NKAIN3: variants seen among roughly 807,000 people sequenced by gnomAD.
NKAIN3 encodes the protein sodium/potassium-transporting ATPase subunit beta-1-interacting protein 3.
NKAIN3 carries 25 observed loss-of-function variants against 30.2 expected under a neutral mutation model. The observed-to-expected ratio is 0.83, with a 90% CI of 0.60 to 1.16. The LOEUF is 1.16. Among genes scored for constraint, NKAIN3 ranks in the 50% most tolerant of loss-of-function variants. The pLI is 0.00. For synonymous variants in NKAIN3, 91 were observed against 89.6 expected (o/e 1.02, Z -0.09); for missense variants, 225 against 254.1 (o/e 0.89, Z 0.78).
intron 1 of NKAIN3, among the ~76,000 whole-genome samples, chr8:62,291,595 T>C (rs188567745): frequency 1.4e-3 from 215 of 152,348 alleles, no homozygotes; most frequent in African/African-American, 4.9e-3. Flanking sequence ...CACTGTGGTC[T>C]GAGAGACAGT....
At chr8:62,485,912 G>A (rs983647531) in intron 1 of NKAIN3, among the ~76,000 whole-genome samples, 4 of 152,184 alleles carry the variant, frequency 2.6e-5, no homozygotes, top group Non-Finnish European at 2.9e-5. Context: ...TTTTGAAACA[G>A]GAATGGGGCG....
intron 1 of NKAIN3, among the ~76,000 whole-genome samples, chr8:62,567,783 G>A (rs1190659819): frequency 1.3e-5 from 2 of 152,036 alleles, no homozygotes; most frequent in East Asian, 3.9e-4. Flanking sequence ...TTAGCCCATT[G>A]AGACCTGTTT....
At chr8:62,899,824 C>T (rs1382114187) in intron 4 of NKAIN3, among the ~76,000 whole-genome samples, 1 of 151,830 alleles carries the variant, frequency 6.6e-6, no homozygotes, top group Non-Finnish European at 1.5e-5. Flanking sequence ...TTATGCATTC[C>T]ATGCCTGTAT....
chr8:62,276,121 A>C (rs1353819319), intron 1 of NKAIN3, among the ~76,000 whole-genome samples: 2 of 152,000 alleles, frequency 1.3e-5, no homozygotes, highest in Non-Finnish European at 2.9e-5. Context: ...GCTGGAGTGC[A>C]GTGGTGCGAT....
intron 4 of NKAIN3, among the ~76,000 whole-genome samples, chr8:62,871,153 C>G (rs1820629831): frequency 6.6e-6 from 1 of 152,076 alleles, no homozygotes; most frequent in Non-Finnish European, 1.5e-5. Flanking sequence ...GTAATCCCAG[C>G]ACTTTGGGAG....
chr8:62,408,492 G>C (rs945080124), intron 1 of NKAIN3, among the ~76,000 whole-genome samples: 5 of 152,100 alleles, frequency 3.3e-5, no homozygotes, highest in African/African-American at 1.2e-4. Flanking sequence ...AGTATGAAAG[G>C]TTAAAAATAA....
At chr8:62,478,877 T>C (rs777779753) in intron 1 of NKAIN3, among the ~76,000 whole-genome samples, 2 of 152,150 alleles carry the variant, frequency 1.3e-5, no homozygotes, top group Non-Finnish European at 1.5e-5. Flanking sequence ...ACTTTCAAGG[T>C]AGTGTGCTGG....
At chr8:62,712,211 G>C (rs1481138686) in intron 3 of NKAIN3, among the ~76,000 whole-genome samples, 1 of 152,136 alleles carries the variant, frequency 6.6e-6, no homozygotes, top group Non-Finnish European at 1.5e-5. Context: ...TTGTGCGGTT[G>C]GCCTCCTGCG....
chr8:62,862,799 G>A (rs1820293108), intron 4 of NKAIN3, among the ~76,000 whole-genome samples: 2 of 152,216 alleles, frequency 1.3e-5, no homozygotes, highest in South Asian at 4.1e-4. Context: ...ATATTCCACA[G>A]AGAAGTTAGA....
At chr8:62,712,470 G>A (rs1247416146) in intron 3 of NKAIN3, among the ~76,000 whole-genome samples, 1 of 152,060 alleles carries the variant, frequency 6.6e-6, no homozygotes, top group Non-Finnish European at 1.5e-5. Context: ...GTACCTAGGA[G>A]GATTATGGCT....
chr8:62,957,949 G>A (rs1407658032), intron 6 of NKAIN3, among the ~76,000 whole-genome samples: 2 of 152,060 alleles, frequency 1.3e-5, no homozygotes, highest in Non-Finnish European at 2.9e-5. Context: ...GCTGTGTGAG[G>A]GCAGGAACAG....
chr8:62,262,658 C>T (rs1812480633), intron 1 of NKAIN3, among the ~76,000 whole-genome samples: 1 of 152,114 alleles, frequency 6.6e-6, no homozygotes, highest in Non-Finnish European at 1.5e-5. Context: ...AGAGTCTTTT[C>T]ATCTACAAGA....
At chr8:62,477,789 G>C (rs1436828326) in intron 1 of NKAIN3, among the ~76,000 whole-genome samples, 1 of 152,080 alleles carries the variant, frequency 6.6e-6, no homozygotes, top group Non-Finnish European at 1.5e-5. Flanking sequence ...CAGAAGCTGG[G>C]GATAAGAGGA....
intron 1 of NKAIN3, among the ~76,000 whole-genome samples, chr8:62,394,540 A>G (rs562560707): frequency 1.2e-4 from 12 of 101,974 alleles, no homozygotes; most frequent in African/African-American, 3.4e-4. Flanking sequence ...GGGAGGGCAT[A>G]AAGATCACAC....
intron 1 of NKAIN3, among the ~76,000 whole-genome samples, chr8:62,491,638 A>G (rs1807069987): frequency 6.6e-6 from 1 of 152,202 alleles, no homozygotes; most frequent in South Asian, 2.1e-4. Context: ...AAATTATGTA[A>G]ATAGATGCGG....
At chr8:62,466,186 A>G (rs1208360677) in intron 1 of NKAIN3, among the ~76,000 whole-genome samples, 3 of 152,176 alleles carry the variant, frequency 2.0e-5, no homozygotes, top group Admixed American at 2.0e-4. Context: ...TATTATTATT[A>G]TTATTGAAGG....
intron 1 of NKAIN3, among the ~76,000 whole-genome samples, chr8:62,492,029 C>G (rs747319550): frequency 2.6e-5 from 4 of 152,092 alleles, no homozygotes; most frequent in Non-Finnish European, 5.9e-5. Context: ...CACCAATAAC[C>G]TTACTGAGAA....
chr8:62,305,459 G>T (rs1254118534), intron 1 of NKAIN3, among the ~76,000 whole-genome samples: 1 of 150,528 alleles, frequency 6.6e-6, no homozygotes, highest in African/African-American at 2.5e-5. Flanking sequence ...ATGGTCATTA[G>T]TTAGGATACA....
Position 62,997,263 on chromosome 8 carries a change from A to T in NKAIN3, c.533-1968A>T, listed in dbSNP as rs140212283. ...AATTAAGCTCCAAATAAAATTTGTA[A>T]ATTGTAGATGGAAAGTGATAATAAA... On this transcript the variant is annotated intron_variant, in intron 5 of 5. Coordinates refer to the NKAIN3 transcript ENST00000519049. Among the ~76,000 whole-genome samples, 138 of 152,350 alleles carry T rather than the reference A, an allele frequency of 9.1e-4. 6 individuals are homozygous for T. The East Asian group carries it at 0.024, about 27-fold the overall frequency.
Sources: gnomAD v4.1 joint callset for allele counts (sites outside exome capture counted in the v4.1 genomes callset) on GRCh38, gnomAD v4.1.1 for gene constraint, MANE v1.5 for transcripts, NCBI Gene and HGNC (gene_info 2026-07-23, HGNC 2026-07-21) for gene names.